Variants in NAB1 observed in about 807,000 individuals in gnomAD.
The protein encoded by NAB1 is NGFI-A binding protein 1.
A neutral mutation model predicts 49.9 loss-of-function variants in NAB1; 25 were observed. The ratio of observed to expected loss-of-function variants is 0.50; its 90% CI spans 0.37 to 0.70. NAB1 has a LOEUF of 0.70. NAB1 is among the 30% of genes least tolerant of loss of function. NAB1 has a pLI of 0.00. For missense variants in NAB1, 489 were observed against 575.9 expected, an observed-to-expected ratio of 0.85 and a Z score of 1.54; for synonymous variants, 198 against 215.6, an observed-to-expected ratio of 0.92 and a Z score of 0.71.
At chr2:190,664,694 A>G (rs1168497361) in intron 4 of NAB1, among the ~76,000 whole-genome samples, 1 of 137,154 alleles carries the variant, frequency 7.3e-6, no homozygotes, top group Non-Finnish European at 1.5e-5. Flanking sequence ...AGCCTCCCCA[A>G]GTGTTGGGAT....
In NAB1 at chr2:190,691,316, T is replaced by C. The variant is rs2125912637; in HGVS notation, c.*983T>C. 1 of 152,444 alleles carries C rather than the reference T, an allele frequency of 6.6e-6. No homozygotes were observed. Among genetic ancestry groups the C allele is most frequent in the Non-Finnish European group, 1.5e-5 (1 of 67,950 alleles). 9.4% of individuals were successfully genotyped at this position (152,444 alleles called of 1,614,324 possible). A position where few individuals can be genotyped will look rare whatever the true frequency, so the allele number is the denominator to read the frequency against. On this transcript the variant is annotated 3_prime_UTR_variant, in exon 10 of 10. Transcript: ENST00000337386. This position sits in a 1 kb window ranked among gnomAD's most constrained non-coding sequence, Gnocchi z 4.1. The stretch of plus-strand genomic sequence containing the variant: ...AGAGAAGTCAGAGAGACTAGATGCT[T>C]TCACTAGGGAATGTCTTCCCACCCA...
At chr2:190,660,038 G>C in intron 4 of NAB1, 43 bp downstream of exon 4, 1 of 1,526,916 alleles carries the variant, frequency 6.5e-7, no homozygotes, top group East Asian at 2.3e-5. Context: ...TATGTGGCAT[G>C]TTGCTAGTCG....
chr2:190,653,740 A>G (rs1249709596), intron 2 of NAB1: 4 of 152,224 alleles, frequency 2.6e-5, no homozygotes, highest in Non-Finnish European at 5.9e-5. Context: ...CAGAGAAGAA[A>G]AAGACCTAGG....
Position 190,670,309 on chromosome 2 carries a change from C to T in NAB1, c.820-17C>T. 1.3e-6 allele frequency: 2 copies of T among 1,581,858 alleles called. No individual in the cohort carries two copies. The highest frequency in any genetic ancestry group is 1.7e-6 in the Non-Finnish European group (2 of 1,168,778). ...TTAAAATGTTCTTAATTTTGAAACT[C>T]TGTTTTGGATATCCAGCTCACTGTT... On this transcript the variant is annotated splice_polypyrimidine_tract_variant and intron_variant, in intron 4 of 9. Transcript: ENST00000337386. The surrounding 1 kb of genome is among the most constrained non-coding windows in gnomAD (Gnocchi z 5.3).
rs566169185 is a variant in NAB1, at chr2:190,691,619, T to C, written c.*1286T>C. 36 of 152,284 alleles carry C rather than the reference T, an allele frequency of 2.4e-4. No individual in the cohort carries two copies. The South Asian group carries it at 7.5e-3, about 32-fold the overall frequency. The allele number at this position is 152,284 out of a possible 1,614,324, so 9.4% of individuals were successfully genotyped here. ...GAGAATTTCACATTGGAATTCATAA[T>C]GGTAAAACAACATACATCTGCCAAT... On this transcript the variant is annotated 3_prime_UTR_variant, in exon 10 of 10. Transcript: ENST00000337386. The surrounding 1 kb of genome is among the most constrained non-coding windows in gnomAD (Gnocchi z 4.1).
At chr2:190,671,271 GA>G (rs1337277653) in intron 5 of NAB1, among the ~76,000 whole-genome samples, 1 of 152,132 alleles carries the variant, frequency 6.6e-6, no homozygotes, top group Non-Finnish European at 1.5e-5. Context: ...TCTGGAATCT[GA>G]ACTTTCACAA....
chr2:190,684,881 T>G lies in NAB1; in HGVS notation c.1096-595T>G, dbSNP rs1490990955. On this transcript the variant is annotated intron_variant, in intron 7 of 9. Coordinates refer to ENST00000337386, the MANE Select transcript of NAB1 (RefSeq NM_005966.4). This position sits in a 1 kb window ranked among gnomAD's most constrained non-coding sequence, Gnocchi z 4.6. ...AATTGTATATTTAAAATATGCCTTT[T>G]TATGATTGGTTGGGAAATACTGCAG... Among the ~76,000 whole-genome samples, 1 of 152,216 alleles carries G rather than the reference T, an allele frequency of 6.6e-6. No individual in the cohort carries two copies. The highest frequency in any genetic ancestry group is 1.5e-5 in the Non-Finnish European group (1 of 68,036).
rs375160233 is a variant in NAB1, at chr2:190,677,545, TCTTA to T, written c.1005+4398_1005+4401del. On this transcript the variant is annotated intron_variant, in intron 6 of 9. Coordinates refer to ENST00000337386, the MANE Select transcript of NAB1 (RefSeq NM_005966.4). The surrounding 1 kb of genome is among the most constrained non-coding windows in gnomAD (Gnocchi z 5.6). ...TGAAATGAAAATAGATTTTGTTTAT[TCTTA>T]CTTATCTTTTGAATTAGATCTAATT... 1.6e-4 allele frequency: 25 copies of T among 152,366 alleles called. No homozygotes were observed. Among genetic ancestry groups the T allele is most frequent in the African/African-American group, 5.5e-4 (23 of 41,588 alleles). The allele number at this position is 152,366 out of a possible 1,614,324, so 9.4% of individuals were successfully genotyped here.
chr2:190,668,210 A>C (rs765603235), intron 4 of NAB1, among the ~76,000 whole-genome samples: 11 of 152,306 alleles, frequency 7.2e-5, no homozygotes, highest in Non-Finnish European at 1.5e-4. Context: ...AATTTCTTAA[A>C]ATTTTAGTAT....
Position 190,652,008 on chromosome 2 carries a change from A to T in NAB1, c.-197+2026A>T, listed in dbSNP as rs1431065709. Among the ~76,000 whole-genome samples the T allele has an allele frequency of 6.6e-6, 1 of 152,238 alleles. No homozygotes were observed. Among genetic ancestry groups the T allele is most frequent in the Non-Finnish European group, 1.5e-5 (1 of 68,034 alleles). Reference sequence around the variant, plus strand: ...ATCCTTTTCAACAGTAGAATGAAGAATGGTACAATTGTTATATTAAGTGCA... The same window carrying T: ...ATCCTTTTCAACAGTAGAATGAAGATTGGTACAATTGTTATATTAAGTGCA... On this transcript the variant is annotated intron_variant, in intron 2 of 9. Coordinates refer to ENST00000337386, the MANE Select transcript of NAB1 (RefSeq NM_005966.4). This position sits in a 1 kb window ranked among gnomAD's most constrained non-coding sequence, Gnocchi z 4.2.
Position 190,679,712 on chromosome 2 carries a change from G to A in NAB1, c.1006-4026G>A, listed in dbSNP as rs552718596. On this transcript the variant is annotated intron_variant, in intron 6 of 9. Transcript: ENST00000337386. The surrounding 1 kb of genome is among the most constrained non-coding windows in gnomAD (Gnocchi z 5.3). ...AATAATGAGGTTTACTTTTTTGCCT[G>A]AGATCACACAGCTGGTTCCTAATGT... Among the ~76,000 whole-genome samples the A allele has an allele frequency of 6.6e-6, 1 of 152,208 alleles. No homozygotes were observed. Among genetic ancestry groups the A allele is most frequent in the African/African-American group, 2.4e-5 (1 of 41,538 alleles).
rs1327993862 is a variant in NAB1, at chr2:190,682,237, T to C, written c.1006-1501T>C. ...GATATACTTACTTATTTAGTAATTA[T>C]TACATGCTGAAGGCATTATCTCACT... On this transcript the variant is annotated intron_variant, in intron 6 of 9. Transcript: ENST00000337386. This position sits in a 1 kb window ranked among gnomAD's most constrained non-coding sequence, Gnocchi z 4.1. 6.6e-6 allele frequency among the ~76,000 whole-genome samples: 1 copy of C among 152,238 alleles called. No individual in the cohort carries two copies. The highest frequency in any genetic ancestry group is 6.5e-5 in the Admixed American group (1 of 15,286).
Position 190,659,595 on chromosome 2 carries a change from G to C in NAB1, c.419G>C (p.Gly140Ala), listed in dbSNP as rs777729730. ...GCCACCACCTGTGTGCAGAGCTTGGGACAGGGGAAGTCAGATGTGGTTGGG... is the reference window on the plus strand; with the variant it reads ...GCCACCACCTGTGTGCAGAGCTTGGCACAGGGGAAGTCAGATGTGGTTGGG... ...CAATTCVQSLGQGKSDVVGSL... is the reference protein window; with the variant it reads ...CAATTCVQSLAQGKSDVVGSL... The change falls in exon 4 of 10, where the codon GGA becomes GCA. Residue 140 changes from glycine to alanine, a missense_variant. By Grantham distance (60) the Gly-to-Ala change is moderately conservative. Coordinates refer to ENST00000337386, the MANE Select transcript of NAB1 (RefSeq NM_005966.4). This position sits in a 1 kb window ranked among gnomAD's most constrained non-coding sequence, Gnocchi z 6.2. The C allele has an allele frequency of 6.2e-7, 1 of 1,614,264 alleles. No individual in the cohort carries two copies. Among genetic ancestry groups the C allele is most frequent in the Non-Finnish European group, 8.5e-7 (1 of 1,180,042 alleles).
chr2:190,671,769 CTTTTTT>C (rs1177937369), intron 5 of NAB1, among the ~76,000 whole-genome samples: 1 of 71,722 alleles, frequency 1.4e-5, no homozygotes, highest in East Asian at 5.0e-4. Flanking sequence ...TTCACCTTTC[CTTTTTT>C]TTTTTTTTTT....
Position 190,659,597 on chromosome 2 carries a change from C to G in NAB1, c.421C>G (p.Gln141Glu), listed in dbSNP as rs1327662776. 6.2e-7 allele frequency: 1 copy of G among 1,614,088 alleles called. No homozygotes were observed. The highest frequency in any genetic ancestry group is 2.2e-5 in the East Asian group (1 of 44,904). ...CACCACCTGTGTGCAGAGCTTGGGA[C>G]AGGGGAAGTCAGATGTGGTTGGGAG... is the stretch of plus-strand genomic sequence containing the variant. ...AATTCVQSLG[Q>E]GKSDVVGSLA... is the part of the protein sequence containing the mutation. Residue 141 changes from glutamine (Q) to glutamate (E), a missense_variant, in exon 4 of 10, where the codon CAG becomes GAG. By Grantham distance (29) the Gln-to-Glu change is conservative. Transcript: ENST00000337386. This position sits in a 1 kb window ranked among gnomAD's most constrained non-coding sequence, Gnocchi z 6.2.
At chr2:190,671,065 A>G (rs1330489619) in intron 5 of NAB1, among the ~76,000 whole-genome samples, 1 of 152,234 alleles carries the variant, frequency 6.6e-6, no homozygotes, top group Non-Finnish European at 1.5e-5. Flanking sequence ...AGCATTGTCT[A>G]CAGGATAGGA....
Position 190,691,818 on chromosome 2 carries a change from C to T in NAB1, c.*1485C>T, listed in dbSNP as rs1330624589. On this transcript the variant is annotated 3_prime_UTR_variant, in exon 10 of 10. Coordinates refer to ENST00000337386, the MANE Select transcript of NAB1 (RefSeq NM_005966.4). This position sits in a 1 kb window ranked among gnomAD's most constrained non-coding sequence, Gnocchi z 4.1. Reference sequence around the variant, plus strand: ...ATCATAATTGTAAAAAATATTAAGTCATAATCTGTTACACTAAAATTTGTC... The same window carrying T: ...ATCATAATTGTAAAAAATATTAAGTTATAATCTGTTACACTAAAATTTGTC... 2 of 152,014 alleles carry T rather than the reference C, an allele frequency of 1.3e-5. No homozygotes were observed. Among genetic ancestry groups the T allele is most frequent in the African/African-American group, 4.8e-5 (2 of 41,392 alleles). The allele number at this position is 152,014 out of a possible 1,614,324, so 9.4% of individuals were successfully genotyped here.
At chr2:190,687,512 C>T (rs1253938265) in intron 9 of NAB1, among the ~76,000 whole-genome samples, 195 bp downstream of exon 9, 2 of 151,228 alleles carry the variant, frequency 1.3e-5, no homozygotes, top group African/African-American at 4.9e-5. Flanking sequence ...GTCAGAATGA[C>T]ACTCAAAGGA....
At chr2:190,662,848 T>C (rs1295657651) in intron 4 of NAB1, among the ~76,000 whole-genome samples, 1 of 152,112 alleles carries the variant, frequency 6.6e-6, no homozygotes, top group African/African-American at 2.4e-5. Flanking sequence ...CGGGTAACTG[T>C]AAGCTGAGCA....
Sources: allele counts gnomAD v4.1 joint callset (sites outside exome capture counted in the v4.1 genomes callset), GRCh38; gene constraint gnomAD v4.1.1; non-coding constraint Gnocchi (gnomAD v3.1); transcripts MANE v1.5; gene names NCBI Gene and HGNC (gene_info 2026-07-23, HGNC 2026-07-21).